Variants in PRSS2 observed in about 807,000 individuals in gnomAD.
PRSS2 encodes the protein serine protease 2.
Under a neutral mutation model 19.2 loss-of-function variants are expected in PRSS2, and 19 were observed. That is an observed-to-expected ratio of 0.99 (90% CI 0.69 to 1.45). The LOEUF (loss-of-function observed/expected upper bound fraction) is 1.45, where lower values mean the gene tolerates loss of function less well. PRSS2 is among the 40% of genes most tolerant of loss of function. The pLI is 0.00. For synonymous variants in PRSS2, 107 were observed against 117.5 expected (o/e 0.91, Z 0.58); for missense variants, 288 against 294.4 (o/e 0.98, Z 0.16).
Position 142,772,095 on chromosome 7 carries a change from C to T in PRSS2, c.87C>T (p.Ile29=). 1 of 1,613,814 alleles carries T rather than the reference C, an allele frequency of 6.2e-7. No individual in the cohort carries two copies. The highest frequency in any genetic ancestry group is 8.5e-7 in the Non-Finnish European group (1 of 1,179,678). The change falls in exon 2 of 5, where the codon ATC becomes ATT. Residue 29 remains isoleucine, a synonymous_variant. Coordinates refer to ENST00000539842, the MANE Select transcript of PRSS2 (RefSeq NM_002770.4). The part of the protein sequence containing the change: ...DDDDKIVGGY[I]CEENSVPYQV... The stretch of plus-strand genomic sequence containing the variant: ...ATGACAAGATCGTTGGGGGCTACAT[C>T]TGTGAGGAGAATTCTGTCCCCTACC...
chr7:142,773,860 T>C lies in PRSS2; in HGVS notation c.455-59T>C. 9.0e-6 allele frequency: 14 copies of C among 1,558,278 alleles called. No individual in the cohort carries two copies. The South Asian group carries it at 1.6e-4, about 17-fold the overall frequency. On this transcript the variant is annotated intron_variant, in intron 3 of 4. Transcript: ENST00000539842. Reference sequence around the variant, plus strand: ...TCTTCAATGTTCCATCCTAGACTATTGTCTCTTTCTCTGGCCTAACCCACA... The same window carrying C: ...TCTTCAATGTTCCATCCTAGACTATCGTCTCTTTCTCTGGCCTAACCCACA...
chr7:142,773,188 C>T, intron 2 of PRSS2, 78 bp from the exon 3 acceptor site: 6 of 1,405,168 alleles, frequency 4.3e-6, no homozygotes, highest in South Asian at 3.6e-5. Context: ...GAGCAGGGAG[C>T]TTAAGGACCC....
chr7:142,773,924 T>C lies in PRSS2; in HGVS notation c.460T>C (p.Tyr154His). The change falls in exon 4 of 5, where the codon TAC becomes CAC. Residue 154 changes from tyrosine to histidine, a missense_variant. Coordinates refer to ENST00000539842, the MANE Select transcript of PRSS2 (RefSeq NM_002770.4). ...WGNTLSSGAD[Y>H]PDELQCLDAP... ...TCTCTTCCTGATCCTCACAGCCGAC[T>C]ACCCAGACGAGCTGCAGTGCCTGGA... is the stretch of plus-strand genomic sequence containing the variant. The C allele has an allele frequency of 6.2e-7, 1 of 1,612,912 alleles. No homozygotes were observed. The highest frequency in any genetic ancestry group is 1.3e-5 in the African/African-American group (1 of 75,054).
intron 4 of PRSS2, 52 bp downstream of exon 4, chr7:142,774,107 C>A: frequency 1.9e-6 from 3 of 1,543,554 alleles, no homozygotes; most frequent in Non-Finnish European, 2.7e-6. Context: ...CAGGCCCCAC[C>A]AGGGAAAATG....
In PRSS2 at chr7:142,774,553, G is replaced by A; in HGVS notation, c.*45G>A. 1 of 1,566,802 alleles carries A rather than the reference G, an allele frequency of 6.4e-7. No homozygotes were observed. The highest frequency in any genetic ancestry group is 8.8e-7 in the Non-Finnish European group (1 of 1,138,628). On this transcript the variant is annotated 3_prime_UTR_variant, in exon 5 of 5. Coordinates refer to ENST00000539842, the MANE Select transcript of PRSS2 (RefSeq NM_002770.4). ...GTCTCTATACCAATAAAGTGACCCT[G>A]CTCTCACTGTCTGTGTCTGTGCCTC...
At position 142,771,023 on chromosome 7, in the gene PRSS2, G is replaced by T; in HGVS notation, c.40+1G>T. The T allele has an allele frequency of 1.6e-6, 1 of 626,978 alleles. No individual in the cohort carries two copies. The highest frequency in any genetic ancestry group is 2.9e-6 in the Non-Finnish European group (1 of 342,844). The allele number at this position is 626,978 out of a possible 1,614,324, so 38.8% of individuals were successfully genotyped here. A position where few individuals can be genotyped will look rare whatever the true frequency, so the allele number is the denominator to read the frequency against. On this transcript the variant is annotated splice_donor_variant, in intron 1 of 4. Transcript: ENST00000539842. LOFTEE classifies it high-confidence loss of function. ...ATCCTTACCTTTGTTGCAGCTGCTG[G>T]TGAGTTTCACGCCCTGCCTCAGGCC...
At position 142,772,011 on chromosome 7, in the gene PRSS2, C is replaced by A. The variant is rs770373232; in HGVS notation, c.41-38C>A. The A allele has an allele frequency of 1.9e-6, 3 of 1,613,836 alleles. No individual in the cohort carries two copies. The South Asian group carries it at 3.3e-5, about 18-fold the overall frequency. On this transcript the variant is annotated intron_variant, in intron 1 of 4. Transcript: ENST00000539842. ...GGCTGGGAGCGCCACCCCTAACATG[C>A]TACTGACTTGCCTTCTCCCTTCCCA... is the stretch of plus-strand genomic sequence containing the variant.
chr7:142,772,028 C>G, intron 1 of PRSS2, 21 bp from the exon 2 acceptor site: 1 of 1,613,900 alleles, frequency 6.2e-7, no homozygotes, highest in Non-Finnish European at 8.5e-7. Flanking sequence ...CTTGCCTTCT[C>G]CCTTCCCATC....
rs111221893 is a variant in PRSS2, at chr7:142,771,996, G to A, written c.41-53G>A. On this transcript the variant is annotated intron_variant, in intron 1 of 4. Transcript: ENST00000539842. ...CAGGAAGCAGCCACAGGCTGGGAGC[G>A]CCACCCCTAACATGCTACTGACTTG... 4,471 of 1,612,808 alleles carry A rather than the reference G, an allele frequency of 2.8e-3. 1 individual carries two copies. The African/African-American group carries it at 0.053, about 19-fold the overall frequency.
At position 142,773,972 on chromosome 7, in the gene PRSS2, G is replaced by C. The variant is rs755545952; in HGVS notation, c.508G>C (p.Glu170Gln). Residue 170 changes from glutamate to glutamine, a missense_variant, in exon 4 of 5, where the codon GAG becomes CAG. Transcript: ENST00000539842. ...GGATGCTCCTGTGCTGAGCCAGGCT[G>C]AGTGTGAAGCCTCCTACCCTGGAAA... ...CLDAPVLSQA[E>Q]CEASYPGKIT... The C allele has an allele frequency of 1.3e-6, 2 of 1,555,460 alleles. No homozygotes were observed.
rs1273453652 is a variant in PRSS2 at position 142,771,923 on chromosome 7, T to TC, written c.41-119dup. Reference sequence around the variant, plus strand: ...TGATGATCACCAGGGCTGGCAGCGCTCCCCCCCTTGCCTAGCCTCACTGAG... The same window carrying TC: ...TGATGATCACCAGGGCTGGCAGCGCTCCCCCCCCTTGCCTAGCCTCACTGAG... On this transcript the variant is annotated intron_variant, in intron 1 of 4. Coordinates refer to ENST00000539842, the MANE Select transcript of PRSS2 (RefSeq NM_002770.4). 153 of 1,422,934 alleles carry TC rather than the reference T, an allele frequency of 1.1e-4. No homozygotes were observed. In the Middle Eastern group the frequency reaches 1.3e-3, roughly 12 times the overall value. 88.1% of individuals were successfully genotyped at this position (1,422,934 alleles called of 1,614,324 possible).
At chr7:142,771,569 G>T (rs1799896701) in intron 1 of PRSS2, among the ~76,000 whole-genome samples, 1 of 152,138 alleles carries the variant, frequency 6.6e-6, no homozygotes, top group Non-Finnish European at 1.5e-5. Context: ...TGAGCCTGGG[G>T]CTTCCCTCAA....
intron 3 of PRSS2, 79 bp from the exon 4 acceptor site, chr7:142,773,840 A>T: frequency 6.6e-7 from 1 of 1,513,992 alleles, no homozygotes; most frequent in Non-Finnish European, 9.1e-7. Flanking sequence ...GTTCCTCTTC[A>T]ATGTTCCATC....
In PRSS2 at chr7:142,774,056, G is replaced by T. The variant is rs1800219970; in HGVS notation, c.591+1G>T. 7 of 1,590,180 alleles carry T rather than the reference G, an allele frequency of 4.4e-6. No individual in the cohort carries two copies. The highest frequency in any genetic ancestry group is 5.2e-6 in the Non-Finnish European group (6 of 1,158,372). On this transcript the variant is annotated splice_donor_variant, in intron 4 of 4. Transcript: ENST00000539842. LOFTEE classifies it high-confidence loss of function. ...CGAGGGAGGCAAGGATTCCTGCCAG[G>T]TGATTTGACCCCTTCCCATGCTGAG... is the stretch of plus-strand genomic sequence containing the variant.
rs1032210519 is a variant in PRSS2, at chr7:142,771,168, C to T, written c.40+146C>T. On this transcript the variant is annotated intron_variant, in intron 1 of 4. Coordinates refer to ENST00000539842, the MANE Select transcript of PRSS2 (RefSeq NM_002770.4). ...ATTTCTTCTTCCCATCCTCCTTGGGCTCTTTTTAAGCCTCACTTGTTCCAC... is the reference window on the plus strand; with the variant it reads ...ATTTCTTCTTCCCATCCTCCTTGGGTTCTTTTTAAGCCTCACTTGTTCCAC... 1.1e-3 allele frequency: 536 copies of T among 481,054 alleles called. 3 individuals are homozygous for T. The highest frequency in any genetic ancestry group is 4.3e-4 in the Non-Finnish European group (116 of 268,056). The allele number at this position is 481,054 out of a possible 1,614,324, so 29.8% of individuals were successfully genotyped here. A position where few individuals can be genotyped will look rare whatever the true frequency, so the allele number is the denominator to read the frequency against.
chr7:142,774,136 G>A (rs912840268), intron 4 of PRSS2, 81 bp downstream of exon 4: 1 of 1,397,484 alleles, frequency 7.2e-7, no homozygotes, highest in Non-Finnish European at 9.9e-7. Flanking sequence ...TCCCAAGGTG[G>A]CGGGGCTGAG....
chr7:142,772,247 G>A, intron 2 of PRSS2, 39 bp downstream of exon 2: 2 of 1,608,270 alleles, frequency 1.2e-6, no homozygotes, highest in Admixed American at 1.7e-5. Context: ...TCCCAGCCAG[G>A]CTGCCTGGGA....
intron 3 of PRSS2, 52 bp from the exon 4 acceptor site, chr7:142,773,863 CTCTT>C: frequency 6.4e-7 from 1 of 1,563,822 alleles, no homozygotes; most frequent in Non-Finnish European, 8.8e-7. Context: ...AGACTATTGT[CTCTT>C]TCTCTGGCCT....
Position 142,773,373 on chromosome 7 carries a change from C to A in PRSS2, c.308C>A (p.Thr103Asn), listed in dbSNP as rs959273279. The A allele has an allele frequency of 2.5e-6, 4 of 1,610,724 alleles. No individual in the cohort carries two copies. In the African/African-American group the frequency reaches 4.1e-5, roughly 17 times the overall value. The change falls in exon 3 of 5, where the codon ACT (threonine) becomes AAT (asparagine). Residue 103 changes from threonine to asparagine, a missense_variant. By Grantham distance (65) the Thr-to-Asn change is moderately conservative. Transcript: ENST00000539842. ...CGCCACCCCAAATACAACAGCCGGA[C>A]TCTGGACAATGACATCCTGCTGATC... ...IIRHPKYNSR[T>N]LDNDILLIKL...
Sources: gnomAD v4.1 joint callset for allele counts (sites outside exome capture counted in the v4.1 genomes callset) on GRCh38, gnomAD v4.1.1 for gene constraint, MANE v1.5 for transcripts, NCBI Gene and HGNC (gene_info 2026-07-23, HGNC 2026-07-21) for gene names.